NECAB1: variants seen among roughly 807,000 people sequenced by gnomAD.
NECAB1 encodes N-terminal EF-hand calcium binding protein 1, also known as N-terminal EF-hand calcium-binding protein 1.
A neutral mutation model predicts 57.5 loss-of-function variants in NECAB1; 29 were observed. That is an observed-to-expected ratio of 0.50 (90% CI 0.38 to 0.69). The LOEUF (loss-of-function observed/expected upper bound fraction) is 0.69, where lower values mean the gene tolerates loss of function less well. NECAB1 is among the 30% of genes least tolerant of loss of function. NECAB1 has a pLI of 0.00. For synonymous variants in NECAB1, 142 were observed against 147.7 expected (o/e 0.96, Z 0.28); for missense variants, 372 against 413.8 (o/e 0.90, Z 0.88).
chr8:90,791,800 G>T lies in NECAB1; in HGVS notation c.-87G>T. On this transcript the variant is annotated 5_prime_UTR_variant, in exon 1 of 13. Transcript: ENST00000417640. ...CTCCCGGATCCAGAGCCCGGCGGCG[G>T]CGAAGCAGCAGCTGCGGCCGCGCCC... is the stretch of plus-strand genomic sequence containing the variant. The T allele has an allele frequency of 9.2e-7, 1 of 1,085,854 alleles. No homozygotes were observed. Among genetic ancestry groups the T allele is most frequent in the South Asian group, 1.4e-5 (1 of 71,490 alleles). 67.3% of individuals were successfully genotyped at this position (1,085,854 alleles called of 1,614,324 possible). A position where few individuals can be genotyped will look rare whatever the true frequency, so the allele number is the denominator to read the frequency against.
chr8:90,921,606 G>A (rs973248571), intron 6 of NECAB1, among the ~76,000 whole-genome samples: 4 of 151,932 alleles, frequency 2.6e-5, no homozygotes, highest in African/African-American at 7.3e-5. Context: ...CCCAGGAGGC[G>A]GAGGTTGCAG....
In NECAB1 at chr8:90,940,769, C is replaced by T. The variant is rs1470107623; in HGVS notation, c.748-17C>T. 3.2e-6 allele frequency: 5 copies of T among 1,546,430 alleles called. No homozygotes were observed. Among genetic ancestry groups the T allele is most frequent in the Non-Finnish European group, 4.4e-6 (5 of 1,141,992 alleles). ...CCGTGACAGCCAACGCAGTGACCCT[C>T]GCCCCTTCCTTGGCAGCACATCATG... is the stretch of plus-strand genomic sequence containing the variant. On this transcript the variant is annotated splice_polypyrimidine_tract_variant and intron_variant, in intron 9 of 12. Coordinates refer to ENST00000417640, the MANE Select transcript of NECAB1 (RefSeq NM_022351.5).
At chr8:90,802,339 A>G (rs1811771537) in intron 2 of NECAB1, among the ~76,000 whole-genome samples, 1 of 152,230 alleles carries the variant, frequency 6.6e-6, no homozygotes, top group African/African-American at 2.4e-5. Flanking sequence ...TGCTCTGTTG[A>G]TTTAATGATG....
At chr8:90,918,784 T>C (rs938813146) in intron 6 of NECAB1, among the ~76,000 whole-genome samples, 1 of 152,158 alleles carries the variant, frequency 6.6e-6, no homozygotes, top group African/African-American at 2.4e-5. Context: ...GATTGGACAG[T>C]AATTTCTCTG....
intron 3 of NECAB1, among the ~76,000 whole-genome samples, chr8:90,870,641 C>T (rs528551744): frequency 3.3e-5 from 5 of 152,134 alleles, no homozygotes; most frequent in Non-Finnish European, 4.4e-5. Context: ...GATATATTTC[C>T]GGACACCTTT....
intron 1 of NECAB1, among the ~76,000 whole-genome samples, chr8:90,792,219 C>T (rs996382188): frequency 1.3e-5 from 2 of 152,210 alleles, no homozygotes; most frequent in Non-Finnish European, 2.9e-5. Context: ...TTAGATTTTC[C>T]AACAGGCTGG....
intron 5 of NECAB1, among the ~76,000 whole-genome samples, chr8:90,907,886 A>G (rs1343240822): frequency 2.6e-5 from 4 of 152,230 alleles, no homozygotes; most frequent in Admixed American, 2.6e-4. Flanking sequence ...AATTAAATCC[A>G]GAAATGTGTC....
chr8:90,894,722 A>G (rs1809280549), intron 5 of NECAB1, among the ~76,000 whole-genome samples: 1 of 152,310 alleles, frequency 6.6e-6, no homozygotes, highest in Admixed American at 6.5e-5. Flanking sequence ...GATATGATGG[A>G]TTCTTTCTTA....
chr8:90,888,734 C>CA (rs1175878382), intron 5 of NECAB1, among the ~76,000 whole-genome samples: 4 of 151,936 alleles, frequency 2.6e-5, no homozygotes, highest in Non-Finnish European at 4.4e-5. Context: ...TGAATATGTG[C>CA]AAAAAAAGCT....
intron 9 of NECAB1, among the ~76,000 whole-genome samples, chr8:90,935,705 T>A (rs1420399025): frequency 6.6e-6 from 1 of 152,190 alleles, no homozygotes; most frequent in East Asian, 1.9e-4. Flanking sequence ...AATTTTCTAA[T>A]GTGAGATTAT....
chr8:90,830,117 G>A (rs1812280163), intron 3 of NECAB1, among the ~76,000 whole-genome samples: 1 of 151,998 alleles, frequency 6.6e-6, no homozygotes, highest in South Asian at 2.1e-4. Context: ...TACGCTGTGG[G>A]CAGTAGAAAA....
intron 5 of NECAB1, among the ~76,000 whole-genome samples, chr8:90,911,623 C>G (rs1157936806): frequency 6.6e-6 from 1 of 151,992 alleles, no homozygotes; most frequent in African/African-American, 2.4e-5. Flanking sequence ...TTTGAATAAG[C>G]AAGGTAGCAG....
intron 1 of NECAB1, among the ~76,000 whole-genome samples, chr8:90,800,178 T>C (rs761891649): frequency 6.6e-6 from 1 of 152,214 alleles, no homozygotes; most frequent in Non-Finnish European, 1.5e-5. Context: ...TTTATTGAAG[T>C]CGTTTATCAG....
At chr8:90,917,234 T>A (rs995228386) in intron 5 of NECAB1, among the ~76,000 whole-genome samples, 4 of 152,156 alleles carry the variant, frequency 2.6e-5, no homozygotes, top group Non-Finnish European at 1.5e-5. Flanking sequence ...GCTGGTTTTG[T>A]CCTTTTTCTT....
At chr8:90,891,531 C>T (rs1489652419) in intron 5 of NECAB1, among the ~76,000 whole-genome samples, 1 of 151,420 alleles carries the variant, frequency 6.6e-6, no homozygotes, top group Non-Finnish European at 1.5e-5. Context: ...ATTACCTATT[C>T]CCATATATAA....
chr8:90,810,323 C>T (rs1811936359), intron 2 of NECAB1, among the ~76,000 whole-genome samples: 1 of 152,168 alleles, frequency 6.6e-6, no homozygotes, highest in African/African-American at 2.4e-5. Flanking sequence ...CTTTAATCTG[C>T]CATTTGTTCA....
At chr8:90,806,338 T>C (rs1202848610) in intron 2 of NECAB1, 2 of 152,162 alleles carry the variant, frequency 1.3e-5, no homozygotes, top group Admixed American at 6.5e-5. Context: ...TACCCCCAGG[T>C]CCACCGTGGT....
intron 4 of NECAB1, chr8:90,872,498 T>C: frequency 5.7e-6 from 1 of 175,104 alleles, no homozygotes; most frequent in Non-Finnish European, 1.2e-5. Context: ...GTGCAGAGCC[T>C]TTTGTTACTA....
intron 1 of NECAB1, among the ~76,000 whole-genome samples, chr8:90,796,431 G>A (rs1811661865): frequency 6.6e-6 from 1 of 152,178 alleles, no homozygotes; most frequent in Admixed American, 6.5e-5. Context: ...CTGATTCATG[G>A]TAGGAGGCAC....
Sources: gnomAD v4.1 joint callset for allele counts (sites outside exome capture counted in the v4.1 genomes callset) on GRCh38, gnomAD v4.1.1 for gene constraint, MANE v1.5 for transcripts, NCBI Gene and HGNC (gene_info 2026-07-23, HGNC 2026-07-21) for gene names.